The following BICD1 variants were observed in gnomAD, a reference collection of about 807,000 sequenced individuals.
The protein encoded by BICD1 is protein bicaudal D homolog 1.
Under a neutral mutation model 92.5 loss-of-function variants are expected in BICD1, and 35 were observed. That is an observed-to-expected ratio of 0.38 (90% CI 0.29 to 0.50). The LOEUF (loss-of-function observed/expected upper bound fraction) is 0.50. BICD1 is among the 20% of genes least tolerant of loss of function. The probability of loss-of-function intolerance (pLI) is 0.93; values close to 1 mark genes in which losing one functional copy is unlikely to be tolerated. For missense variants in BICD1, 950 were observed against 1,189.8 expected, an observed-to-expected ratio of 0.80 and a Z score of 2.97; for synonymous variants, 429 against 465.1, an observed-to-expected ratio of 0.92 and a Z score of 1.00.
intron 2 of BICD1, among the ~76,000 whole-genome samples, chr12:32,228,762 A>G (rs1201005306): frequency 6.6e-6 from 1 of 152,220 alleles, no homozygotes; most frequent in East Asian, 1.9e-4. Flanking sequence ...AGCTTGACCA[A>G]CGTGAAAAAT....
Position 32,269,888 on chromosome 12 carries a change from G to C in BICD1, c.427-24106G>C, listed in dbSNP as rs113644721. 5.2e-3 allele frequency among the ~76,000 whole-genome samples: 787 copies of C among 152,064 alleles called. 7 individuals are homozygous for C. The highest frequency in any genetic ancestry group is 0.018 in the African/African-American group (746 of 41,452). On this transcript the variant is annotated intron_variant, in intron 2 of 9. Transcript: ENST00000652176. The stretch of plus-strand genomic sequence containing the variant: ...CTCACGCTTGTAATCCCAGCACTTT[G>C]GAAGGCCGAGGTAGACAGATCACAT...
intron 8 of BICD1, chr12:32,339,285 G>T: frequency 9.5e-7 from 1 of 1,056,136 alleles, no homozygotes; most frequent in Non-Finnish European, 1.1e-6. Context: ...TTTGCAGTTT[G>T]GTAGCTCATG....
At chr12:32,351,627 A>G (rs1334085345) in intron 8 of BICD1, among the ~76,000 whole-genome samples, 1 of 151,846 alleles carries the variant, frequency 6.6e-6, no homozygotes, top group African/African-American at 2.4e-5. Flanking sequence ...ATTTTTGGCC[A>G]GGTGTGGTGG....
intron 1 of BICD1, among the ~76,000 whole-genome samples, chr12:32,130,264 G>T (rs147450229): frequency 1.1e-3 from 173 of 151,928 alleles, no homozygotes; most frequent in African/African-American, 4.1e-3. Flanking sequence ...GAGTGCACTG[G>T]GCAATCTCGG....
At chr12:32,346,909 A>T (rs1057360757) in intron 8 of BICD1, among the ~76,000 whole-genome samples, 3 of 150,374 alleles carry the variant, frequency 2.0e-5, no homozygotes, top group Non-Finnish European at 4.4e-5. Context: ...ATTTTAAAAT[A>T]AAATTTAAGA....
At chr12:32,325,905 A>AC (rs1310635048) in intron 4 of BICD1, among the ~76,000 whole-genome samples, 1 of 151,662 alleles carries the variant, frequency 6.6e-6, no homozygotes, top group African/African-American at 2.4e-5. Context: ...ACACGGTGAA[A>AC]CCCCAGCTCT....
intron 2 of BICD1, among the ~76,000 whole-genome samples, chr12:32,281,587 G>A (rs1947412730): frequency 6.6e-6 from 1 of 152,102 alleles, no homozygotes; most frequent in Non-Finnish European, 1.5e-5. Context: ...ACTTTCCTTA[G>A]TGCATATTTT....
intron 1 of BICD1, chr12:32,108,621 ATTATT>A (rs1369968967): frequency 5.9e-6 from 4 of 681,892 alleles, no homozygotes; most frequent in East Asian, 2.7e-5. Flanking sequence ...TCAAAAATCT[ATTATT>A]TATTTTATGC....
intron 1 of BICD1, among the ~76,000 whole-genome samples, chr12:32,130,790 A>G (rs1020139232): frequency 3.9e-5 from 6 of 152,162 alleles, no homozygotes; most frequent in African/African-American, 1.4e-4. Context: ...TTTTTTTAAC[A>G]TATCTTTCCA....
chr12:32,356,692 G>C (rs2136314069), intron 8 of BICD1, among the ~76,000 whole-genome samples: 1 of 152,132 alleles, frequency 6.6e-6, no homozygotes, highest in Admixed American at 6.5e-5. Context: ...AAGCATCATT[G>C]GCAAATGCAA....
intron 2 of BICD1, among the ~76,000 whole-genome samples, chr12:32,285,073 T>C (rs1197983331): frequency 6.6e-6 from 1 of 152,184 alleles, no homozygotes; most frequent in Non-Finnish European, 1.5e-5. Flanking sequence ...TCAACACAAA[T>C]ATAAGGCTAC....
intron 1 of BICD1, among the ~76,000 whole-genome samples, chr12:32,195,537 A>G (rs188882438): frequency 1.4e-3 from 215 of 152,358 alleles, no homozygotes; most frequent in African/African-American, 5.1e-3. Flanking sequence ...GGAAAAGATC[A>G]TCTCTTCAAT....
chr12:32,343,437 G>A (rs1396541985), intron 8 of BICD1, among the ~76,000 whole-genome samples: 1 of 152,108 alleles, frequency 6.6e-6, no homozygotes, highest in Non-Finnish European at 1.5e-5. Flanking sequence ...GGGAATCCAT[G>A]TAATTCACAG....
intron 2 of BICD1, among the ~76,000 whole-genome samples, chr12:32,232,536 G>T (rs545631319): frequency 4.0e-5 from 6 of 148,170 alleles, no homozygotes; most frequent in African/African-American, 1.2e-4. Context: ...CATTTTGTAG[G>T]TTGCCTGTTC....
chr12:32,131,902 T>A lies in BICD1; in HGVS notation c.213+24358T>A, dbSNP rs148356765. Among the ~76,000 whole-genome samples the A allele has an allele frequency of 1.6e-3, 250 of 152,224 alleles. 1 individual carries two copies. The highest frequency in any genetic ancestry group is 5.7e-3 in the African/African-American group (236 of 41,536). On this transcript the variant is annotated intron_variant, in intron 1 of 9. Coordinates refer to ENST00000652176, the MANE Select transcript of BICD1 (RefSeq NM_001714.4). ...GTAAATGCATAATTTTACAGGGTGA[T>A]ATGTGCTAAAAACTAAATAAAGCAA...
At chr12:32,230,478 T>G (rs1945850300) in intron 2 of BICD1, among the ~76,000 whole-genome samples, 1 of 151,870 alleles carries the variant, frequency 6.6e-6, no homozygotes, top group Non-Finnish European at 1.5e-5. Context: ...ATTCAAGAAT[T>G]GAGATCATCT....
At chr12:32,209,421 A>G (rs1010846071) in intron 1 of BICD1, among the ~76,000 whole-genome samples, 1 of 152,252 alleles carries the variant, frequency 6.6e-6, no homozygotes, top group African/African-American at 2.4e-5. Context: ...GCTGTTGAGC[A>G]TTTAATGCTG....
chr12:32,339,168 T>C (rs1387033651), intron 8 of BICD1, 189 bp downstream of exon 8: 11 of 1,309,866 alleles, frequency 8.4e-6, no homozygotes, highest in Non-Finnish European at 7.7e-6. Flanking sequence ...TTCCTTAGAA[T>C]GACAGACTTC....
intron 4 of BICD1, among the ~76,000 whole-genome samples, chr12:32,309,395 G>A (rs1484219893): frequency 6.6e-6 from 1 of 152,170 alleles, no homozygotes; most frequent in African/African-American, 2.4e-5. Context: ...TCAGGTTTCA[G>A]ATTGTAGAAA....
Sources: allele counts gnomAD v4.1 joint callset (sites outside exome capture counted in the v4.1 genomes callset), GRCh38; gene constraint gnomAD v4.1.1; transcripts MANE v1.5; gene names NCBI Gene and HGNC (gene_info 2026-07-23, HGNC 2026-07-21).